The following CHRNE variants were observed in gnomAD, a reference collection of about 807,000 sequenced individuals.
CHRNE encodes the protein acetylcholine receptor subunit epsilon.
In CHRNE, 58 loss-of-function variants were observed where a neutral mutation model predicts 56.5. The ratio of observed to expected loss-of-function variants is 1.03; its 90% confidence interval spans 0.83 to 1.28. The LOEUF is 1.28. CHRNE is among the 50% of genes most tolerant of loss of function. The pLI is 0.00. For missense variants in CHRNE, 793 were observed against 688.9 expected (o/e 1.15, Z -1.69); for synonymous variants, 385 against 297.9 (o/e 1.29, Z -3.01).
chr17:4,901,379 C>A lies in CHRNE; in HGVS notation c.601+146G>T. 6 of 950,360 alleles carry A rather than the reference C, an allele frequency of 6.3e-6. No homozygotes were observed. The South Asian group carries it at 8.1e-5, about 13-fold the overall frequency. The allele number at this position is 950,360 out of a possible 1,614,324, so 58.9% of individuals were successfully genotyped here. On this transcript the variant is annotated intron_variant, in intron 6 of 11. Coordinates refer to ENST00000649488, the MANE Select transcript of CHRNE (RefSeq NM_000080.4). Reference sequence around the variant, plus strand: ...CAGAAGGCAGGACTAGAGTAACAATCGAGAATGATTTCAGGACAGGGGTAA... The same window carrying A: ...CAGAAGGCAGGACTAGAGTAACAATAGAGAATGATTTCAGGACAGGGGTAA...
In CHRNE at chr17:4,900,810, G is replaced by C. The variant is rs747224472; in HGVS notation, c.900C>G (p.Ser300Arg). ...GGCTTCACCTGCCCAGGAGCGGCAC[G>C]CTCAGAGAAGTCTCTGGGATTTTCT... ...IAQKIPETSLSVPLLGRFLIF... is the reference protein window; with the variant it reads ...IAQKIPETSLRVPLLGRFLIF... The change falls in exon 8 of 12, where the codon AGC becomes AGG. Residue 300 changes from serine to arginine, a missense_variant. Physicochemically the swap from Ser to Arg is moderately radical, Grantham distance 110 (BLOSUM62 -1). Coordinates refer to ENST00000649488, the MANE Select transcript of CHRNE (RefSeq NM_000080.4). The C allele has an allele frequency of 1.2e-6, 2 of 1,613,948 alleles. No individual in the cohort carries two copies. Among genetic ancestry groups the C allele is most frequent in the Non-Finnish European group, 1.7e-6 (2 of 1,179,890 alleles).
Position 4,902,942 on chromosome 17 carries a change from C to G in CHRNE, c.46+76G>C. 1 of 1,602,994 alleles carries G rather than the reference C, an allele frequency of 6.2e-7. No individual in the cohort carries two copies. Among genetic ancestry groups the G allele is most frequent in the Non-Finnish European group, 8.5e-7 (1 of 1,170,128 alleles). ...ACTGTGTCTAAGTCTCCATCTTGGT[C>G]TCTGTCTTTGTCTTCCCAGTCCCTT... On this transcript the variant is annotated intron_variant, in intron 1 of 11. Coordinates refer to ENST00000649488, the MANE Select transcript of CHRNE (RefSeq NM_000080.4). This position sits in a 1 kb window ranked among gnomAD's most constrained non-coding sequence, Gnocchi z 4.0.
At position 4,902,240 on chromosome 17, in the gene CHRNE, C is replaced by G. The variant is rs1228180650; in HGVS notation, c.321G>C (p.Leu107=). 1.2e-6 allele frequency: 2 copies of G among 1,614,204 alleles called. No individual in the cohort carries two copies. Among genetic ancestry groups the G allele is most frequent in the Admixed American group, 1.7e-5 (1 of 60,024 alleles). Residue 107 remains leucine (L), a synonymous_variant, in exon 4 of 12, where the codon CTG becomes CTC. Transcript: ENST00000649488. The surrounding 1 kb of genome is among the most constrained non-coding windows in gnomAD (Gnocchi z 4.0). ...TLRVPSELVW[L]PEIVLENNID... Reference sequence around the variant, plus strand: ...ACTTGTTTTCCAGCACAATCTCTGGCAGCCACACGAGTTCTGAAGGGACTC... The same window carrying G: ...ACTTGTTTTCCAGCACAATCTCTGGGAGCCACACGAGTTCTGAAGGGACTC...
chr17:4,907,969 G>A (rs1287607090), upstream of CHRNE, among the ~76,000 whole-genome samples: 1 of 152,158 alleles, frequency 6.6e-6, no homozygotes, highest in Non-Finnish European at 1.5e-5. Flanking sequence ...GAGGTCAGTA[G>A]TTTGGGACCA....
Position 4,901,611 on chromosome 17 carries a change from T to C in CHRNE, c.515A>G (p.Asn172Ser), listed in dbSNP as rs1439010217. 5.0e-6 allele frequency: 8 copies of C among 1,614,108 alleles called. No homozygotes were observed. Among genetic ancestry groups the C allele is most frequent in the South Asian group, 2.2e-5 (2 of 91,088 alleles). The change falls in exon 6 of 12, where the codon AAT becomes AGT. Residue 172 changes from asparagine to serine, a missense_variant. Transcript: ENST00000649488. ...CSLIFRSQTY[N>S]AEEVEFTFAV... is the part of the protein sequence containing the mutation. Reference sequence around the variant, plus strand: ...AAAAGTGAACTCCACCTCTTCGGCATTGTACGTCTGAGAGCTGCGGAGCCA... The same window carrying C: ...AAAAGTGAACTCCACCTCTTCGGCACTGTACGTCTGAGAGCTGCGGAGCCA...
chr17:4,899,144 T>C (rs1969842676), intron 10 of CHRNE, 37 bp from the exon 11 acceptor site: 1 of 1,595,850 alleles, frequency 6.3e-7, no homozygotes, highest in Non-Finnish European at 8.5e-7. Context: ...CTTAGGAGCC[T>C]CCCCCCTGGC....
chr17:4,898,326 A>C lies in CHRNE; in HGVS notation c.*410T>G. On this transcript the variant is annotated 3_prime_UTR_variant, in exon 12 of 12. Transcript: ENST00000649488. ...CGCTCCAGCAGAGCCAGACCAGGGA[A>C]GAAGAGGGTTTCCTGGCTACAGCCT... 2 of 300,098 alleles carry C rather than the reference A, an allele frequency of 6.7e-6. No homozygotes were observed. The highest frequency in any genetic ancestry group is 1.3e-5 in the Non-Finnish European group (2 of 153,002). The allele number at this position is 300,098 out of a possible 1,614,324, so 18.6% of individuals were successfully genotyped here.
Position 4,902,173 on chromosome 17 carries a change from C to T in CHRNE, c.344+44G>A, listed in dbSNP as rs760978631. ...TCCCCAACCAAGTCCAGCCCGCACC[C>T]CAGGCCGGCTTCCCTCCAGCCTGGC... On this transcript the variant is annotated intron_variant, in intron 4 of 11. Transcript: ENST00000649488. The surrounding 1 kb of genome is among the most constrained non-coding windows in gnomAD (Gnocchi z 4.0). 9.9e-6 allele frequency: 16 copies of T among 1,613,742 alleles called. No homozygotes were observed. The South Asian group carries it at 1.6e-4, about 17-fold the overall frequency.
chr17:4,904,403 T>C (rs1301057101), upstream of CHRNE, among the ~76,000 whole-genome samples: 1 of 152,122 alleles, frequency 6.6e-6, no homozygotes, highest in African/African-American at 2.4e-5. Context: ...TCTAATCACC[T>C]GGAGGGGTGC....
At chr17:4,901,743 A>T in intron 5 of CHRNE, 118 bp from the exon 6 acceptor site, 1 of 1,261,634 alleles carries the variant, frequency 7.9e-7, no homozygotes, top group Non-Finnish European at 1.1e-6. Context: ...CCCTTCACCC[A>T]AGCCCAGCCC....
rs1255916068 is a variant in CHRNE at position 4,899,311 on chromosome 17, G to GGGGGCGAGGC, written c.1096_1105dup (p.Pro369ArgfsTer31). 6.3e-7 allele frequency: 1 copy of GGGGGCGAGGC among 1,582,378 alleles called. No homozygotes were observed. Among genetic ancestry groups the GGGGGCGAGGC allele is most frequent in the African/African-American group, 1.4e-5 (1 of 74,056 alleles). ...TAAGCCCACCGACGACGCCCGCCTTGGGGGCGAGGCGGCCCGGGGGGCCTC... is the reference window on the plus strand; with the variant it reads ...TAAGCCCACCGACGACGCCCGCCTTGGGGGCGAGGCGGGGCGAGGCGGCCCGGGGGGCCTC... On this transcript the variant is annotated frameshift_variant, in exon 10 of 12. Coordinates refer to ENST00000649488, the MANE Select transcript of CHRNE (RefSeq NM_000080.4). LOFTEE classifies it high-confidence loss of function.
At chr17:4,899,716 C>A in intron 8 of CHRNE, 134 bp from the exon 9 acceptor site, 1 of 1,523,914 alleles carries the variant, frequency 6.6e-7, no homozygotes, top group Non-Finnish European at 8.9e-7. Context: ...TACACGACGA[C>A]AGACGCGTCC....
chr17:4,898,745 G>A lies in CHRNE; in HGVS notation c.1473C>T (p.Ile491=), dbSNP rs764033389. 3 of 1,610,966 alleles carry A rather than the reference G, an allele frequency of 1.9e-6. No homozygotes were observed. In the South Asian group the frequency reaches 3.3e-5, roughly 18 times the overall value. ...RVPDLPYAPC[I]QP is the part of the protein sequence containing the mutation. ...TTGAAGTCGGTGCGAGCTAAGGCTGGATACACGGCGCGTAGGGGAGATCAG... is the reference window on the plus strand; with the variant it reads ...TTGAAGTCGGTGCGAGCTAAGGCTGAATACACGGCGCGTAGGGGAGATCAG... The change falls in exon 12 of 12, where the codon ATC becomes ATT. Residue 491 remains isoleucine (I), a synonymous_variant. Transcript: ENST00000649488.
At chr17:4,904,893 C>T (rs1266986496), upstream of CHRNE, among the ~76,000 whole-genome samples, 1 of 152,178 alleles carries the variant, frequency 6.6e-6, no homozygotes, top group Admixed American at 6.5e-5. Context: ...CTTATCAACC[C>T]CACGATTTCC....
At position 4,902,125 on chromosome 17, in the gene CHRNE, T is replaced by A. The variant is rs748808870; in HGVS notation, c.345-38A>T. 1.2e-6 allele frequency: 2 copies of A among 1,613,656 alleles called. No homozygotes were observed. The highest frequency in any genetic ancestry group is 1.7e-5 in the Admixed American group (1 of 59,980). ...GGAAACCGAGCTTTTTGCACAGGTC[T>A]GCACCCTCTCAGAGTACCCCCTTCC... On this transcript the variant is annotated intron_variant, in intron 4 of 11. Coordinates refer to ENST00000649488, the MANE Select transcript of CHRNE (RefSeq NM_000080.4). This position sits in a 1 kb window ranked among gnomAD's most constrained non-coding sequence, Gnocchi z 4.0.
upstream of CHRNE, among the ~76,000 whole-genome samples, chr17:4,905,088 C>T (rs1428063467): frequency 1.4e-4 from 21 of 152,218 alleles, no homozygotes; most frequent in Admixed American, 1.4e-3. Flanking sequence ...AAAGTTCCCC[C>T]TTACAGGGCC....
At position 4,899,169 on chromosome 17, in the gene CHRNE, GCCCCCCGGGC is replaced by G. The variant is rs1567636146; in HGVS notation, c.1219+19_1219+28del. 6.3e-7 allele frequency: 1 copy of G among 1,591,588 alleles called. No individual in the cohort carries two copies. The highest frequency in any genetic ancestry group is 8.5e-7 in the Non-Finnish European group (1 of 1,171,744). On this transcript the variant is annotated intron_variant, in intron 10 of 11. Coordinates refer to ENST00000649488, the MANE Select transcript of CHRNE (RefSeq NM_000080.4). ...TCCCCCCTGGCAGGCACCCCGCGCG[GCCCCCCGGGC>G]CAGGGCCACTGTGCTCACCCGTCCA... is the stretch of plus-strand genomic sequence containing the variant.
rs1380685198 is a variant in CHRNE at position 4,900,239 on chromosome 17, C to G, written c.917+554G>C. 3 of 1,547,452 alleles carry G rather than the reference C, an allele frequency of 1.9e-6. No homozygotes were observed. In the East Asian group the frequency reaches 7.3e-5, roughly 38 times the overall value. ...TAACCCCTGTGCCCCCAATGCAGAT[C>G]TCAGCCCTGTGGCTGCAGCAGGAGG... On this transcript the variant is annotated intron_variant, in intron 8 of 11. Transcript: ENST00000649488.
rs2151097867 is a variant in CHRNE at position 4,901,629 on chromosome 17, C to T, written c.501-4G>A. ...TTCGGCATTGTACGTCTGAGAGCTG[C>T]GGAGCCAGGGCCGGGAGCCCACCCC... On this transcript the variant is annotated splice_polypyrimidine_tract_variant and splice_region_variant and intron_variant, in intron 5 of 11. Coordinates refer to ENST00000649488, the MANE Select transcript of CHRNE (RefSeq NM_000080.4). 6.2e-7 allele frequency: 1 copy of T among 1,613,672 alleles called. No individual in the cohort carries two copies. Among genetic ancestry groups the T allele is most frequent in the Non-Finnish European group, 8.5e-7 (1 of 1,179,784 alleles).
Sources: allele counts gnomAD v4.1 joint callset (sites outside exome capture counted in the v4.1 genomes callset), GRCh38; gene constraint gnomAD v4.1.1; non-coding constraint Gnocchi (gnomAD v3.1); transcripts MANE v1.5; gene names NCBI Gene and HGNC (gene_info 2026-07-23, HGNC 2026-07-21).